Variants in MTMR4 observed in about 807,000 individuals in gnomAD.
MTMR4 encodes the protein myotubularin related protein 4, also known as phosphatidylinositol-3,5-bisphosphate 3-phosphatase MTMR4.
A neutral mutation model predicts 125.5 loss-of-function variants in MTMR4; 30 were observed. That is an observed-to-expected ratio of 0.24 (90% confidence interval 0.18 to 0.32). The LOEUF is 0.32. Ranked by LOEUF, MTMR4 falls within the 10% of genes least tolerant of loss-of-function variation. The pLI is 1.00. For synonymous variants in MTMR4, 498 were observed against 564.5 expected (o/e 0.88, Z 1.67); for missense variants, 1,039 against 1,511.5 (o/e 0.69, Z 5.18).
At position 58,495,220 on chromosome 17, in the gene MTMR4, GCCAGTACAATGT is replaced by G; in HGVS notation, c.2952_2963del (p.His985_Gly988del). 9 of 1,614,172 alleles carry G rather than the reference GCCAGTACAATGT, an allele frequency of 5.6e-6. No individual in the cohort carries two copies. The highest frequency in any genetic ancestry group is 7.6e-6 in the Non-Finnish European group (9 of 1,180,038). ...ACCACATCTGGTTCTTTCCTCCTGG[GCCAGTACAATGT>G]CCATTGGAATGACTAGAACAGACAG... On this transcript the variant is annotated inframe_deletion, in exon 15 of 18. Coordinates refer to ENST00000682306, the MANE Select transcript of MTMR4 (RefSeq NM_001378067.1).
At chr17:58,518,640 G>A (rs1026133695), upstream of MTMR4, among the ~76,000 whole-genome samples, 1 of 152,210 alleles carries the variant, frequency 6.6e-6, no homozygotes, top group Non-Finnish European at 1.5e-5. Flanking sequence ...GAGACTGCCA[G>A]CTAGCTGCGG....
At chr17:58,505,666 G>C in intron 9 of MTMR4, 83 bp from the exon 10 acceptor site, 4 of 901,004 alleles carry the variant, frequency 4.4e-6, no homozygotes, top group Non-Finnish European at 5.3e-6. Flanking sequence ...CCAGCACTTT[G>C]GGAGGCTGAA....
At chr17:58,505,606 G>A (rs761849125) in intron 9 of MTMR4, 23 bp from the exon 10 acceptor site, 15 of 1,579,558 alleles carry the variant, frequency 9.5e-6, no homozygotes, top group Non-Finnish European at 1.2e-5. Flanking sequence ...CAGGAGAGTG[G>A]GACATAAAAG....
chr17:58,495,848 G>A lies in MTMR4; in HGVS notation c.2336C>T (p.Ser779Phe). 2 of 1,614,150 alleles carry A rather than the reference G, an allele frequency of 1.2e-6. No homozygotes were observed. The highest frequency in any genetic ancestry group is 1.7e-6 in the Non-Finnish European group (2 of 1,180,036). Residue 779 changes from serine to phenylalanine, a missense_variant, in exon 15 of 18, where the codon TCC becomes TTC. By Grantham distance (155) the Ser-to-Phe change is radical (BLOSUM62 -2). Coordinates refer to ENST00000682306, the MANE Select transcript of MTMR4 (RefSeq NM_001378067.1). Reference sequence around the variant, plus strand: ...ATCACACTTGTTAGAAATGACCTTGGAGAGTGCACTGACAGCTTCTGTTTC... The same window carrying A: ...ATCACACTTGTTAGAAATGACCTTGAAGAGTGCACTGACAGCTTCTGTTTC... Reference protein sequence around the residue: ...CPETEAVSALSKVISNKCDGV... With the variant: ...CPETEAVSALFKVISNKCDGV...
chr17:58,505,396 C>T (rs1975751592), intron 10 of MTMR4, 76 bp downstream of exon 10: 1 of 1,291,210 alleles, frequency 7.7e-7, no homozygotes, highest in East Asian at 2.4e-5. Context: ...TTCTCATCTC[C>T]CCATCTAATC....
At chr17:58,509,268 A>C (rs1975862474) in intron 4 of MTMR4, among the ~76,000 whole-genome samples, 1 of 151,098 alleles carries the variant, frequency 6.6e-6, no homozygotes, top group Admixed American at 6.6e-5. Flanking sequence ...TCTGCTTGAT[A>C]ATGTCTCCTC....
rs1975462450 is a variant in MTMR4, at chr17:58,496,167, C to T, written c.2017G>A (p.Val673Met). Reference protein sequence around the residue: ...SNPEGSETSFVDSGVGGPQQT... With the variant: ...SNPEGSETSFMDSGVGGPQQT... The stretch of plus-strand genomic sequence containing the variant: ...TGAGGCCCTCCTACCCCAGAGTCCA[C>T]AAAGCTTGTCTCTGATCCCTCAGGA... The change falls in exon 15 of 18, where the codon GTG (valine) becomes ATG (methionine). Residue 673 changes from valine (V) to methionine (M), a missense_variant. By Grantham distance (21) the Val-to-Met change is conservative. Coordinates refer to ENST00000682306, the MANE Select transcript of MTMR4 (RefSeq NM_001378067.1). 1 of 1,614,194 alleles carries T rather than the reference C, an allele frequency of 6.2e-7. No individual in the cohort carries two copies. The highest frequency in any genetic ancestry group is 8.5e-7 in the Non-Finnish European group (1 of 1,180,026).
At position 58,492,998 on chromosome 17, in the gene MTMR4, G is replaced by A. The variant is rs534089317; in HGVS notation, c.3253-46C>T. On this transcript the variant is annotated intron_variant, in intron 15 of 17. Coordinates refer to ENST00000682306, the MANE Select transcript of MTMR4 (RefSeq NM_001378067.1). The stretch of plus-strand genomic sequence containing the variant: ...ACAAATTATCTTCATCATCATTAAC[G>A]CTTACTGTTTACCATGTGTCAGGCA... The A allele has an allele frequency of 1.3e-4, 195 of 1,482,532 alleles. 2 individuals are homozygous for A. In the South Asian group the frequency reaches 2.1e-3, roughly 16 times the overall value. The allele number at this position is 1,482,532 out of a possible 1,614,324, so 91.8% of individuals were successfully genotyped here.
Position 58,492,500 on chromosome 17 carries a change from A to G in MTMR4, c.3452+11T>C. ...GTTTTTTGTCATACTAAATCATACA[A>G]AACATCTTACCTGCAATGGTGTCTT... On this transcript the variant is annotated intron_variant, in intron 17 of 17. Coordinates refer to ENST00000682306, the MANE Select transcript of MTMR4 (RefSeq NM_001378067.1). 1 of 1,613,208 alleles carries G rather than the reference A, an allele frequency of 6.2e-7. No individual in the cohort carries two copies. Among genetic ancestry groups the G allele is most frequent in the Non-Finnish European group, 8.5e-7 (1 of 1,179,544 alleles).
Position 58,495,307 on chromosome 17 carries a change from T to G in MTMR4, c.2877A>C (p.Thr959=). 1 of 1,614,242 alleles carries G rather than the reference T, an allele frequency of 6.2e-7. No homozygotes were observed. The highest frequency in any genetic ancestry group is 8.5e-7 in the Non-Finnish European group (1 of 1,180,040). ...CCCACTGGCCCCCAAAGCAGGGCCCTGTGGCCCGCATCTGCTTACTGTTTG... is the reference window on the plus strand; with the variant it reads ...CCCACTGGCCCCCAAAGCAGGGCCCGGTGGCCCGCATCTGCTTACTGTTTG... ...KRPNSKQMRA[T]GPCFGGQWAQ... Residue 959 remains threonine (T), a synonymous_variant, in exon 15 of 18, where the codon ACA becomes ACC. Coordinates refer to ENST00000682306, the MANE Select transcript of MTMR4 (RefSeq NM_001378067.1).
chr17:58,505,679 G>T (rs569853246), intron 9 of MTMR4, 96 bp from the exon 10 acceptor site: 27 of 720,778 alleles, frequency 3.7e-5, no homozygotes, highest in Admixed American at 2.1e-4. Flanking sequence ...AGGCTGAAGC[G>T]GTTGGATCAC....
At chr17:58,503,496 AAAATTGGCT>A in intron 14 of MTMR4, among the ~76,000 whole-genome samples, 1 of 152,062 alleles carries the variant, frequency 6.6e-6, no homozygotes, top group East Asian at 1.9e-4. Flanking sequence ...AAAAATACAA[AAAATTGGCT>A]GGGCGTGGTG....
Position 58,501,603 on chromosome 17 carries a change from CAT to C in MTMR4, c.1853+2139_1853+2140del, listed in dbSNP as rs761680452. On this transcript the variant is annotated intron_variant, in intron 14 of 17. Coordinates refer to ENST00000682306, the MANE Select transcript of MTMR4 (RefSeq NM_001378067.1). ...TATATATAGTATACATATATACACA[CAT>C]ATATGTATATGTCTATGTATATACG... Among the ~76,000 whole-genome samples, 7 of 150,710 alleles carry C rather than the reference CAT, an allele frequency of 4.6e-5. No individual in the cohort carries two copies. In the East Asian group the frequency reaches 5.8e-4, roughly 13 times the overall value.
intron 17 of MTMR4, among the ~76,000 whole-genome samples, chr17:58,492,190 T>C (rs979713312): frequency 6.6e-6 from 1 of 152,210 alleles, no homozygotes; most frequent in African/African-American, 2.4e-5. Context: ...TTGTCCTTTT[T>C]GAGACAGAGT....
At chr17:58,507,918 TACACACACACACACACACACAC>T (rs57157273) in intron 7 of MTMR4, 3 of 342,470 alleles carry the variant, frequency 8.8e-6, no homozygotes, top group African/African-American at 2.2e-5. Context: ...TACTATTTTA[TACACACACACACACACACACAC>T]ACACACACAC....
At chr17:58,514,742 G>A (rs1270452458), upstream of MTMR4, 28 of 905,670 alleles carry the variant, frequency 3.1e-5, no homozygotes, top group Non-Finnish European at 3.6e-5. Flanking sequence ...CCTCCCCGCG[G>A]ACCCTGGGCC....
At chr17:58,516,082 T>C (rs1976079282), upstream of MTMR4, among the ~76,000 whole-genome samples, 1 of 152,240 alleles carries the variant, frequency 6.6e-6, no homozygotes, top group Non-Finnish European at 1.5e-5. Flanking sequence ...TCCTGATAGA[T>C]ATTCAATCAG....
rs1263870503 is a variant in MTMR4 at position 58,489,882 on chromosome 17, T to C, written c.*1781A>G. The C allele has an allele frequency of 6.6e-6, 1 of 152,656 alleles. No homozygotes were observed. The highest frequency in any genetic ancestry group is 2.4e-5 in the African/African-American group (1 of 41,454). The allele number at this position is 152,656 out of a possible 1,614,324, so 9.5% of individuals were successfully genotyped here. On this transcript the variant is annotated 3_prime_UTR_variant, in exon 18 of 18. Transcript: ENST00000682306. ...AGCCACTCACAACTGGCAGTAAATT[T>C]TAATGATTGATAAAATGCTTAAAAT...
Position 58,508,291 on chromosome 17 carries a change from TG to T in MTMR4, c.594-18del. 1 of 1,606,076 alleles carries T rather than the reference TG, an allele frequency of 6.2e-7. No individual in the cohort carries two copies. The highest frequency in any genetic ancestry group is 8.5e-7 in the Non-Finnish European group (1 of 1,172,716). On this transcript the variant is annotated intron_variant, in intron 6 of 17. Transcript: ENST00000682306. The surrounding 1 kb of genome is among the most constrained non-coding windows in gnomAD (Gnocchi z 4.8). Reference sequence around the variant, plus strand: ...GGGCACAATCTGAGAAGAGACCAGGTGGGGGTCACTGCACTGGGTCTAAAAC... The same window carrying T: ...GGGCACAATCTGAGAAGAGACCAGGTGGGGTCACTGCACTGGGTCTAAAAC...
Sources: gnomAD v4.1 joint callset for allele counts (sites outside exome capture counted in the v4.1 genomes callset) on GRCh38, gnomAD v4.1.1 for gene constraint, Gnocchi (gnomAD v3.1) non-coding constraint, MANE v1.5 for transcripts, NCBI Gene and HGNC (gene_info 2026-07-23, HGNC 2026-07-21) for gene names.